The following DNM2 variants were observed in gnomAD, a reference collection of about 807,000 sequenced individuals.
DNM2 encodes the protein dynamin 2.
Under a neutral mutation model 99.0 loss-of-function variants are expected in DNM2, and 15 were observed. The ratio of observed to expected loss-of-function variants is 0.15; its 90% CI spans 0.10 to 0.23. The LOEUF is 0.23. Among genes scored for constraint, DNM2 ranks in the 10% least tolerant of loss-of-function variants. The pLI is 1.00. For missense variants in DNM2, 742 were observed against 1,189.4 expected, an observed-to-expected ratio of 0.62 and a Z score of 5.53; for synonymous variants, 525 against 481.2, an observed-to-expected ratio of 1.09 and a Z score of -1.19.
At chr19:10,797,317 C>T (rs1259930713) in intron 9 of DNM2, 63 bp from the exon 10 acceptor site, 12 of 1,600,002 alleles carry the variant, frequency 7.5e-6, no homozygotes, top group African/African-American at 4.0e-5. Context: ...TCCTGTCCTG[C>T]GTGTGTGGCC....
chr19:10,748,025 G>C (rs2070054530), intron 1 of DNM2, among the ~76,000 whole-genome samples: 1 of 152,194 alleles, frequency 6.6e-6, no homozygotes, highest in African/African-American at 2.4e-5. Context: ...TGTGGCTGGA[G>C]TAAAGCCAGC....
At chr19:10,722,638 T>C (rs1436209399) in intron 1 of DNM2, among the ~76,000 whole-genome samples, 1 of 151,618 alleles carries the variant, frequency 6.6e-6, no homozygotes, top group Non-Finnish European at 1.5e-5. Flanking sequence ...CCACCGCGCC[T>C]GGCCTGAGAT....
At chr19:10,755,093 A>G (rs1248497898) in intron 1 of DNM2, 1 of 152,338 alleles carries the variant, frequency 6.6e-6, no homozygotes, top group East Asian at 1.9e-4. Flanking sequence ...AGAAACAAGG[A>G]CATGTGTCTA....
intron 5 of DNM2, 59 bp from the exon 6 acceptor site, chr19:10,782,901 G>T (rs565149048): frequency 4.7e-5 from 76 of 1,611,822 alleles, no homozygotes; most frequent in Middle Eastern, 1.7e-4. Context: ...GCCCATCCCC[G>T]TGCCAGGTCC....
Position 10,818,868 on chromosome 19 carries a change from G to A in DNM2, c.1672-1112G>A, listed in dbSNP as rs952963509. ...TTGCGCTGCCTGCCGTGTGGCCTTC[G>A]GCAGCCAGCTTCCCTCTCTGAGCTA... is the stretch of plus-strand genomic sequence containing the variant. On this transcript the variant is annotated intron_variant, in intron 15 of 20. Coordinates refer to ENST00000389253, the MANE Select transcript of DNM2 (RefSeq NM_001005361.3). The surrounding 1 kb of genome is among the most constrained non-coding windows in gnomAD (Gnocchi z 4.3). Among the ~76,000 whole-genome samples the A allele has an allele frequency of 5.3e-5, 8 of 152,124 alleles. No homozygotes were observed. The highest frequency in any genetic ancestry group is 2.0e-4 in the Admixed American group (3 of 15,278).
At chr19:10,753,462 CTTCCT>C (rs1403336889) in intron 1 of DNM2, among the ~76,000 whole-genome samples, 2 of 133,524 alleles carry the variant, frequency 1.5e-5, no homozygotes, top group Non-Finnish European at 3.1e-5. Context: ...TCCTTCTCTT[CTTCCT>C]TTCCTTTTCT....
Position 10,802,382 on chromosome 19 carries a change from G to T in DNM2, c.1493+24G>T, listed in dbSNP as rs1162904119. On this transcript the variant is annotated intron_variant, in intron 12 of 20. Transcript: ENST00000389253. ...AAGTAGGTACTTTTAGAGACTGGCTGGTCGGGCGGCACCAATCCTCACTCT... is the reference window on the plus strand; with the variant it reads ...AAGTAGGTACTTTTAGAGACTGGCTTGTCGGGCGGCACCAATCCTCACTCT... 4 of 1,613,082 alleles carry T rather than the reference G, an allele frequency of 2.5e-6. No homozygotes were observed. In the African/African-American group the frequency reaches 5.3e-5, roughly 22 times the overall value.
At chr19:10,744,288 C>T (rs985186108) in intron 1 of DNM2, among the ~76,000 whole-genome samples, 3 of 152,072 alleles carry the variant, frequency 2.0e-5, no homozygotes, top group Admixed American at 6.6e-5. Context: ...GACATTAGAG[C>T]GAAACAGAGG....
intron 15 of DNM2, among the ~76,000 whole-genome samples, chr19:10,815,419 G>A (rs532150256): frequency 7.2e-5 from 11 of 152,166 alleles, no homozygotes; most frequent in South Asian, 2.1e-4. Flanking sequence ...TTCGTGTCTC[G>A]TCTCCCCACC....
intron 12 of DNM2, among the ~76,000 whole-genome samples, chr19:10,804,092 C>T (rs1044342495): frequency 4.6e-5 from 7 of 152,124 alleles, no homozygotes; most frequent in Non-Finnish European, 7.4e-5. Context: ...CAGGCCCCAT[C>T]GCCAGGAGGG....
At position 10,820,210 on chromosome 19, in the gene DNM2, G is replaced by A; in HGVS notation, c.1781+121G>A. 1.0e-6 allele frequency: 1 copy of A among 960,850 alleles called. No homozygotes were observed. The highest frequency in any genetic ancestry group is 2.5e-5 in the East Asian group (1 of 40,100). 59.5% of individuals were successfully genotyped at this position (960,850 alleles called of 1,614,324 possible). A position where few individuals can be genotyped will look rare whatever the true frequency, so the allele number is the denominator to read the frequency against. ...CAGCAGTCCCTGCCCTTGGGACCCAGCTTTTAGAAAGGGGAGTCACGTGAG... is the reference window on the plus strand; with the variant it reads ...CAGCAGTCCCTGCCCTTGGGACCCAACTTTTAGAAAGGGGAGTCACGTGAG... On this transcript the variant is annotated intron_variant, in intron 16 of 20. Coordinates refer to ENST00000389253, the MANE Select transcript of DNM2 (RefSeq NM_001005361.3). This position sits in a 1 kb window ranked among gnomAD's most constrained non-coding sequence, Gnocchi z 4.3.
chr19:10,769,981 C>T (rs1398180463), intron 2 of DNM2, among the ~76,000 whole-genome samples: 2 of 152,242 alleles, frequency 1.3e-5, no homozygotes, highest in African/African-American at 4.8e-5. Context: ...CAAGTCCCAG[C>T]TCCATCACGG....
Position 10,718,177 on chromosome 19 carries a change from C to A in DNM2, c.-66C>A, listed in dbSNP as rs2068815870. On this transcript the variant is annotated 5_prime_UTR_variant, in exon 1 of 21. Coordinates refer to ENST00000389253, the MANE Select transcript of DNM2 (RefSeq NM_001005361.3). Reference sequence around the variant, plus strand: ...AGCAACGGCTACAGACGCCGCGGGGCCAGGTCGTTGAGGGTCGGCGGCGGG... The same window carrying A: ...AGCAACGGCTACAGACGCCGCGGGGACAGGTCGTTGAGGGTCGGCGGCGGG... 3.7e-6 allele frequency: 5 copies of A among 1,340,670 alleles called. No individual in the cohort carries two copies. Among genetic ancestry groups the A allele is most frequent in the Non-Finnish European group, 4.8e-6 (5 of 1,046,300 alleles). 83.0% of individuals were successfully genotyped at this position (1,340,670 alleles called of 1,614,324 possible).
Position 10,788,608 on chromosome 19 carries a change from C to T in DNM2, c.992+1902C>T, listed in dbSNP as rs542831160. Among the ~76,000 whole-genome samples the T allele has an allele frequency of 3.0e-4, 45 of 152,294 alleles. 1 individual carries two copies. Among genetic ancestry groups the T allele is most frequent in the Admixed American group, 2.6e-3 (40 of 15,288 alleles). ...GAGCCAGACCTTGGCTAGGTTAGGT[C>T]CCTCTCCAGCTTGGCCTCTTAAGAT... On this transcript the variant is annotated intron_variant, in intron 7 of 20. Coordinates refer to ENST00000389253, the MANE Select transcript of DNM2 (RefSeq NM_001005361.3).
chr19:10,774,363 C>A (rs1240242225), intron 3 of DNM2, among the ~76,000 whole-genome samples: 2 of 152,204 alleles, frequency 1.3e-5, no homozygotes, highest in African/African-American at 4.8e-5. Context: ...GTGATTGTAT[C>A]TATGTATATG....
rs2072733426 is a variant in DNM2, at chr19:10,816,187, C to A, written c.1672-3793C>A. On this transcript the variant is annotated intron_variant, in intron 15 of 20. Coordinates refer to ENST00000389253, the MANE Select transcript of DNM2 (RefSeq NM_001005361.3). The surrounding 1 kb of genome is among the most constrained non-coding windows in gnomAD (Gnocchi z 4.6). ...CCCATGCTCCCTGACCTGAGGGACA[C>A]CCCAGCCCGACATCCGAACACCTCC... is the stretch of plus-strand genomic sequence containing the variant. 6.6e-6 allele frequency among the ~76,000 whole-genome samples: 1 copy of A among 152,078 alleles called. No homozygotes were observed. The highest frequency in any genetic ancestry group is 2.4e-5 in the African/African-American group (1 of 41,412).
chr19:10,735,512 A>G (rs1034906406), intron 1 of DNM2, among the ~76,000 whole-genome samples: 1 of 151,486 alleles, frequency 6.6e-6, no homozygotes, highest in African/African-American at 2.4e-5. Flanking sequence ...GATCATGGAA[A>G]ATTTTATTTT....
At chr19:10,766,774 G>T (rs1412233284) in intron 2 of DNM2, among the ~76,000 whole-genome samples, 1 of 152,090 alleles carries the variant, frequency 6.6e-6, no homozygotes, top group African/African-American at 2.4e-5. Flanking sequence ...GGCGAGGACG[G>T]CTGACTCCCT....
intron 1 of DNM2, among the ~76,000 whole-genome samples, chr19:10,729,865 T>TGG (rs1240737018): frequency 9.8e-4 from 148 of 151,620 alleles, no homozygotes; most frequent in African/African-American, 3.4e-3. Flanking sequence ...TTATGGGTGG[T>TGG]TATTTTTTTT....
Sources: gnomAD v4.1 joint callset for allele counts (sites outside exome capture counted in the v4.1 genomes callset) on GRCh38, gnomAD v4.1.1 for gene constraint, Gnocchi (gnomAD v3.1) non-coding constraint, MANE v1.5 for transcripts, NCBI Gene and HGNC (gene_info 2026-07-23, HGNC 2026-07-21) for gene names.